ADCY8: variants seen among roughly 807,000 people sequenced by gnomAD.
ADCY8 encodes the protein adenylate cyclase type 8.
In ADCY8, 51 loss-of-function variants were observed where a neutral mutation model predicts 119.7. The ratio of observed to expected loss-of-function variants is 0.43; its 90% CI spans 0.34 to 0.54. ADCY8 has a LOEUF of 0.54. ADCY8 is among the 20% of genes least tolerant of loss of function. The pLI is 0.03. For missense variants in ADCY8, 1,383 were observed against 1,598.8 expected (o/e 0.87, Z 2.30); for synonymous variants, 665 against 651.0 (o/e 1.02, Z -0.33).
At position 130,951,943 on chromosome 8, in the gene ADCY8, T is replaced by C. The variant is rs1406322986; in HGVS notation, c.1166A>G (p.Asp389Gly). ...GTGCTCATCTTCCACATTGGTCATGTCGTTGATCATTTCCAGGACAACAAA... is the reference window on the plus strand; with the variant it reads ...GTGCTCATCTTCCACATTGGTCATGCCGTTGATCATTTCCAGGACAACAAA... ...PRFVVLEMINDMTNVEDEHLQ... is the reference protein window; with the variant it reads ...PRFVVLEMINGMTNVEDEHLQ... Residue 389 changes from aspartate (D) to glycine (G), a missense_variant, in exon 3 of 18, where the codon GAC (aspartate) becomes GGC (glycine). Asp to Gly is a moderately conservative substitution (Grantham distance 94). Transcript: ENST00000286355. The C allele has an allele frequency of 6.2e-7, 1 of 1,614,106 alleles. No individual in the cohort carries two copies. The highest frequency in any genetic ancestry group is 1.1e-5 in the South Asian group (1 of 91,078).
intron 7 of ADCY8, among the ~76,000 whole-genome samples, chr8:130,902,002 A>G (rs961066317): frequency 2.6e-5 from 4 of 152,226 alleles, no homozygotes; most frequent in Non-Finnish European, 4.4e-5. Context: ...CAACTATAGA[A>G]TAAAACCAAG....
At chr8:130,795,781 G>A (rs1253495644) in intron 15 of ADCY8, among the ~76,000 whole-genome samples, 1 of 140,116 alleles carries the variant, frequency 7.1e-6, no homozygotes, top group Admixed American at 6.9e-5. Context: ...CTTGGCTTTG[G>A]TGTGTGTGTG....
At chr8:130,813,290 A>G (rs1052127920) in intron 14 of ADCY8, among the ~76,000 whole-genome samples, 11 of 152,178 alleles carry the variant, frequency 7.2e-5, no homozygotes, top group Non-Finnish European at 8.8e-5. Context: ...CATTAAGTAT[A>G]GTCACATTGT....
chr8:130,799,870 TG>T (rs138104499), intron 15 of ADCY8, among the ~76,000 whole-genome samples: 3,290 of 152,258 alleles, frequency 0.022, 65 homozygotes, highest in African/African-American at 0.059. Context: ...AGATGGGGAA[TG>T]GGGGAGTAGA....
intron 8 of ADCY8, among the ~76,000 whole-genome samples, chr8:130,878,908 C>T (rs1314303477): frequency 8.5e-5 from 13 of 152,082 alleles, no homozygotes; most frequent in Admixed American, 8.5e-4. Flanking sequence ...CATAAATATG[C>T]AATCAATTTT....
intron 14 of ADCY8, among the ~76,000 whole-genome samples, chr8:130,806,793 T>A (rs365538): frequency 6.6e-6 from 1 of 152,076 alleles, no homozygotes; most frequent in South Asian, 2.1e-4. Flanking sequence ...CCTGAGGGCC[T>A]AGCAGGTCAC....
chr8:130,862,553 C>G (rs906278268), intron 9 of ADCY8, among the ~76,000 whole-genome samples: 1 of 152,176 alleles, frequency 6.6e-6, no homozygotes, highest in Admixed American at 6.5e-5. Context: ...GTTGGGACTA[C>G]AGACGCCGGC....
At chr8:130,864,427 A>T (rs959993053) in intron 9 of ADCY8, among the ~76,000 whole-genome samples, 1 of 152,084 alleles carries the variant, frequency 6.6e-6, no homozygotes, top group Non-Finnish European at 1.5e-5. Context: ...ATTACTTTAA[A>T]TATTTATTTT....
intron 15 of ADCY8, among the ~76,000 whole-genome samples, chr8:130,792,295 T>C (rs1177788125): frequency 6.6e-6 from 1 of 152,258 alleles, no homozygotes; most frequent in Non-Finnish European, 1.5e-5. Flanking sequence ...TCTTATATCA[T>C]AGGTGAGCCT....
At position 130,849,733 on chromosome 8, in the gene ADCY8, C is replaced by T; in HGVS notation, c.2281G>A (p.Ala761Thr). 6.2e-7 allele frequency: 1 copy of T among 1,613,916 alleles called. No homozygotes were observed. The highest frequency in any genetic ancestry group is 8.5e-7 in the Non-Finnish European group (1 of 1,179,908). ...AGGGGCAAACATTTATAATCCTCTG[C>T]TGTGGTGATGAGGACCAGAGCCGAG... ...LHSALVLITT[A>T]EDYKCLPLIL... The change falls in exon 10 of 18, where the codon GCA becomes ACA. Residue 761 changes from alanine (A) to threonine (T), a missense_variant. Around this residue, in one of 2 missense-constraint regions of ADCY8, gnomAD observed 928 missense variants for 1,163.5 expected, o/e 0.80. Transcript: ENST00000286355.
intron 5 of ADCY8, among the ~76,000 whole-genome samples, chr8:130,921,333 A>T (rs1047555120): frequency 4.6e-5 from 7 of 152,006 alleles, no homozygotes; most frequent in African/African-American, 1.7e-4. Flanking sequence ...ATATGTGTGC[A>T]TGTGTGTATG....
chr8:130,843,928 T>C (rs2130289704), intron 11 of ADCY8, among the ~76,000 whole-genome samples: 1 of 151,834 alleles, frequency 6.6e-6, no homozygotes, highest in East Asian at 1.9e-4. Context: ...CCTGAAGGAG[T>C]TGGGCCTGTC....
chr8:130,945,589 A>G (rs1230746439), intron 3 of ADCY8, among the ~76,000 whole-genome samples: 2 of 152,262 alleles, frequency 1.3e-5, no homozygotes, highest in East Asian at 3.8e-4. Flanking sequence ...GGCAATTGCC[A>G]GCATAGTAAA....
At chr8:130,968,774 T>G (rs991200885) in intron 2 of ADCY8, among the ~76,000 whole-genome samples, 9 of 152,182 alleles carry the variant, frequency 5.9e-5, no homozygotes, top group Admixed American at 3.3e-4. Flanking sequence ...AATAAAATGA[T>G]AAACACTTGG....
At chr8:131,028,840 T>C (rs990870032) in intron 1 of ADCY8, among the ~76,000 whole-genome samples, 1 of 152,056 alleles carries the variant, frequency 6.6e-6, no homozygotes, top group Non-Finnish European at 1.5e-5. Flanking sequence ...GGGTATGGAG[T>C]ACCAGGAGTC....
intron 7 of ADCY8, among the ~76,000 whole-genome samples, chr8:130,885,035 T>A (rs555252879): frequency 6.6e-6 from 1 of 152,244 alleles, no homozygotes; most frequent in Non-Finnish European, 1.5e-5. Context: ...GGCTTAGAAA[T>A]GTTAATCAAG....
At position 130,982,516 on chromosome 8, in the gene ADCY8, C is replaced by T. The variant is rs188615934; in HGVS notation, c.1110+7877G>A. On this transcript the variant is annotated intron_variant, in intron 2 of 17. Transcript: ENST00000286355. ...ATGTTATTTGTCTCTCAAAACACTC[C>T]TGTGGGTTAGGGAAGGAATTATCAT... 8.8e-4 allele frequency among the ~76,000 whole-genome samples: 134 copies of T among 152,210 alleles called. 1 individual carries two copies. Among genetic ancestry groups the T allele is most frequent in the South Asian group, 1.5e-3 (7 of 4,822 alleles).
At chr8:130,988,768 A>C (rs949152925) in intron 2 of ADCY8, among the ~76,000 whole-genome samples, 15 of 152,344 alleles carry the variant, frequency 9.8e-5, no homozygotes, top group African/African-American at 3.6e-4. Context: ...ATTAGATCAC[A>C]GTGATTCCAA....
intron 8 of ADCY8, among the ~76,000 whole-genome samples, chr8:130,881,165 A>T (rs1818756672): frequency 1.3e-5 from 2 of 152,218 alleles, no homozygotes; most frequent in African/African-American, 4.8e-5. Flanking sequence ...TTCACAAAAA[A>T]TATCCTGAAA....
Sources: allele counts gnomAD v4.1 joint callset (sites outside exome capture counted in the v4.1 genomes callset), GRCh38; gene constraint gnomAD v4.1.1; regional missense constraint gnomAD v4.1.1; transcripts MANE v1.5; gene names NCBI Gene and HGNC (gene_info 2026-07-23, HGNC 2026-07-21).